SAR1B: variants seen among roughly 807,000 people sequenced by gnomAD.
The protein encoded by SAR1B is small COPII coat GTPase SAR1B.
SAR1B carries 23 observed loss-of-function variants against 26.8 expected under a neutral mutation model. The observed-to-expected ratio is 0.86, with a 90% confidence interval of 0.62 to 1.22. The LOEUF (loss-of-function observed/expected upper bound fraction) is 1.22. Among genes scored for constraint, SAR1B ranks in the 50% most tolerant of loss-of-function variants. SAR1B has a pLI of 0.00. For missense variants in SAR1B, 196 were observed against 232.8 expected, an observed-to-expected ratio of 0.84 and a Z score of 1.03; for synonymous variants, 65 against 80.8, an observed-to-expected ratio of 0.80 and a Z score of 1.05.
At chr5:134,618,362 A>C (rs1001639033) in intron 3 of SAR1B, 1 of 152,148 alleles carries the variant, frequency 6.6e-6, no homozygotes, top group Non-Finnish European at 1.5e-5. Context: ...TCCTTTTCCA[A>C]CCTCACTAAT....
rs1294954432 is a variant in SAR1B, at chr5:134,606,017, G to C, written c.*933C>G. The C allele has an allele frequency of 6.6e-6, 1 of 152,162 alleles. No individual in the cohort carries two copies. Among genetic ancestry groups the C allele is most frequent in the Non-Finnish European group, 1.5e-5 (1 of 68,026 alleles). The allele number at this position is 152,162 out of a possible 1,614,324, so 9.4% of individuals were successfully genotyped here. On this transcript the variant is annotated 3_prime_UTR_variant, in exon 7 of 7. Transcript: ENST00000402673. Reference sequence around the variant, plus strand: ...GCCTGTCATTGCTTTTGGGGAAGAGGCACAGATTACCCCATTGGGCACCAA... The same window carrying C: ...GCCTGTCATTGCTTTTGGGGAAGAGCCACAGATTACCCCATTGGGCACCAA...
Position 134,624,012 on chromosome 5 carries a change from A to C in SAR1B, c.8T>G (p.Phe3Cys). The C allele has an allele frequency of 6.2e-7, 1 of 1,609,580 alleles. No individual in the cohort carries two copies. The highest frequency in any genetic ancestry group is 8.5e-7 in the Non-Finnish European group (1 of 1,175,922). Residue 3 changes from phenylalanine (F) to cysteine (C), a missense_variant, in exon 2 of 7, where the codon TTC becomes TGC. Physicochemically the swap from Phe to Cys is radical, Grantham distance 205 (BLOSUM62 -2). Coordinates refer to ENST00000402673, the MANE Select transcript of SAR1B (RefSeq NM_016103.4). MS[F>C]IFDWIYSGFS... Reference sequence around the variant, plus strand: ...ACCACTGTAAATCCAATCAAATATGAAGGACATATCCAAATCTGATAGGGT... The same window carrying C: ...ACCACTGTAAATCCAATCAAATATGCAGGACATATCCAAATCTGATAGGGT...
At chr5:134,623,172 G>C (rs560961315) in intron 2 of SAR1B, among the ~76,000 whole-genome samples, 1 of 151,182 alleles carries the variant, frequency 6.6e-6, no homozygotes, top group Non-Finnish European at 1.5e-5. Context: ...TGGGCACAGT[G>C]GTTCATGCCT....
At chr5:134,625,689 G>C (rs1765482768) in intron 1 of SAR1B, 1 of 152,224 alleles carries the variant, frequency 6.6e-6, no homozygotes, top group East Asian at 1.9e-4. Context: ...CCTGGCTCTG[G>C]CATGGACGAT....
chr5:134,617,191 C>T (rs1261096763), intron 3 of SAR1B, among the ~76,000 whole-genome samples: 1 of 151,758 alleles, frequency 6.6e-6, no homozygotes, highest in Non-Finnish European at 1.5e-5. Flanking sequence ...GCGATTGTGC[C>T]ATTGCACTCC....
intron 2 of SAR1B, among the ~76,000 whole-genome samples, chr5:134,622,143 G>A (rs78306058): frequency 0.016 from 2,454 of 152,194 alleles, 66 homozygotes; most frequent in African/African-American, 0.055. Flanking sequence ...CAGGCCATCC[G>A]TTTTTGAATA....
At position 134,603,736 on chromosome 5, in the gene SAR1B, T is replaced by C. The variant is rs1464612205; in HGVS notation, c.*3214A>G. 1.3e-5 allele frequency: 2 copies of C among 151,910 alleles called. No homozygotes were observed. The highest frequency in any genetic ancestry group is 2.4e-5 in the African/African-American group (1 of 41,304). 9.4% of individuals were successfully genotyped at this position (151,910 alleles called of 1,614,324 possible). On this transcript the variant is annotated 3_prime_UTR_variant, in exon 7 of 7. Coordinates refer to ENST00000402673, the MANE Select transcript of SAR1B (RefSeq NM_016103.4). Reference sequence around the variant, plus strand: ...ATCACTTGAACCCCGGAGGTGGAGGTTGCAGTAAGCAGAGATTGTGCCACT... The same window carrying C: ...ATCACTTGAACCCCGGAGGTGGAGGCTGCAGTAAGCAGAGATTGTGCCACT...
At chr5:134,627,238 C>A (rs775835543) in intron 1 of SAR1B, among the ~76,000 whole-genome samples, 41 of 151,496 alleles carry the variant, frequency 2.7e-4, no homozygotes, top group Non-Finnish European at 5.2e-4. Context: ...TTTTTAGTAG[C>A]GACGGGGTTT....
chr5:134,629,700 A>AAAAC (rs1159853423), intron 1 of SAR1B, among the ~76,000 whole-genome samples: 136 of 151,286 alleles, frequency 9.0e-4, no homozygotes, highest in South Asian at 2.1e-3. Flanking sequence ...CCATCTCAAA[A>AAAAC]AAACAAACAA....
At chr5:134,621,597 T>C (rs1045245171) in intron 2 of SAR1B, among the ~76,000 whole-genome samples, 1 of 152,124 alleles carries the variant, frequency 6.6e-6, no homozygotes, top group East Asian at 1.9e-4. Context: ...CCTTAACATA[T>C]CTACAATGCC....
At chr5:134,609,217 C>T (rs1765175880) in intron 5 of SAR1B, 1 of 420,254 alleles carries the variant, frequency 2.4e-6, no homozygotes, top group Non-Finnish European at 4.6e-6. Flanking sequence ...CTATCATTTC[C>T]AGGCTGTGGC....
intron 6 of SAR1B, among the ~76,000 whole-genome samples, chr5:134,607,899 T>C (rs553703705): frequency 2.6e-5 from 4 of 152,188 alleles, no homozygotes; most frequent in African/African-American, 7.2e-5. Context: ...ATTTTTTCAA[T>C]GCTGATGTTT....
chr5:134,624,138 C>A, intron 1 of SAR1B, 101 bp from the exon 2 acceptor site: 1 of 745,206 alleles, frequency 1.3e-6, no homozygotes, highest in South Asian at 1.4e-5. Flanking sequence ...AATCCTACAG[C>A]AACTTTACTA....
At position 134,620,924 on chromosome 5, in the gene SAR1B, T is replaced by G; in HGVS notation, c.178+9A>C. On this transcript the variant is annotated intron_variant, in intron 3 of 6. Transcript: ENST00000402673. ...TCAAGTATCACATTGTATGTAGGAA[T>G]ATACTTACTGGGATGTAATGTTGGG... 1 of 1,613,618 alleles carries G rather than the reference T, an allele frequency of 6.2e-7. No individual in the cohort carries two copies. The highest frequency in any genetic ancestry group is 8.5e-7 in the Non-Finnish European group (1 of 1,179,544).
intron 6 of SAR1B, among the ~76,000 whole-genome samples, chr5:134,608,075 A>G (rs1377422028): frequency 6.6e-6 from 1 of 152,198 alleles, no homozygotes; most frequent in Non-Finnish European, 1.5e-5. Flanking sequence ...ACACTCAAAT[A>G]TATCGTTTGG....
At chr5:134,615,642 C>A (rs1281649362) in intron 3 of SAR1B, among the ~76,000 whole-genome samples, 1 of 147,772 alleles carries the variant, frequency 6.8e-6, no homozygotes. Context: ...GGTGAAACCC[C>A]GTCTCTACTA....
chr5:134,612,640 C>T (rs1227455720), intron 4 of SAR1B, 51 bp downstream of exon 4: 2 of 898,174 alleles, frequency 2.2e-6, no homozygotes, highest in Non-Finnish European at 2.7e-6. Flanking sequence ...GTGAGCCTGT[C>T]TAAAAAAAAA....
At chr5:134,624,995 T>C (rs951954194) in intron 1 of SAR1B, among the ~76,000 whole-genome samples, 1 of 151,888 alleles carries the variant, frequency 6.6e-6, no homozygotes, top group African/African-American at 2.4e-5. Context: ...AAGGAGATAG[T>C]GGGATGGAAG....
At chr5:134,619,909 T>C (rs190830327) in intron 3 of SAR1B, among the ~76,000 whole-genome samples, 7 of 151,876 alleles carry the variant, frequency 4.6e-5, no homozygotes, top group Admixed American at 4.6e-4. Context: ...CACTTGCACC[T>C]GGGAGTTTAA....
Sources: gnomAD v4.1 joint callset for allele counts (sites outside exome capture counted in the v4.1 genomes callset) on GRCh38, gnomAD v4.1.1 for gene constraint, MANE v1.5 for transcripts, NCBI Gene and HGNC (gene_info 2026-07-23, HGNC 2026-07-21) for gene names.